Variants in DISC1 observed in about 807,000 individuals in gnomAD.
The protein encoded by DISC1 is DISC1 scaffold protein.
A neutral mutation model predicts 84.5 loss-of-function variants in DISC1; 57 were observed. The observed-to-expected ratio is 0.67, with a 90% CI of 0.55 to 0.84. DISC1 has a LOEUF of 0.84. Among genes scored for constraint, DISC1 ranks in the 40% least tolerant of loss-of-function variants. The probability of loss-of-function intolerance (pLI) is 0.00; values close to 1 mark genes in which losing one functional copy is unlikely to be tolerated. For synonymous variants in DISC1, 411 were observed against 415.2 expected, an observed-to-expected ratio of 0.99 and a Z score of 0.12; for missense variants, 1,000 against 1,057.8, an observed-to-expected ratio of 0.95 and a Z score of 0.76.
intron 10 of DISC1, among the ~76,000 whole-genome samples, chr1:231,999,840 C>CAACAAT (rs947357367): frequency 2.6e-5 from 4 of 151,832 alleles, no homozygotes; most frequent in Non-Finnish European, 4.4e-5. Context: ...ACAACAACAA[C>CAACAAT]AACAACAAAA....
chr1:231,993,873 G>A (rs2102929795), intron 10 of DISC1, among the ~76,000 whole-genome samples: 1 of 152,262 alleles, frequency 6.6e-6, no homozygotes, highest in South Asian at 2.1e-4. Flanking sequence ...ATTATTGCTG[G>A]TGGTGTTCTC....
At chr1:231,835,262 G>A (rs12739160) in intron 9 of DISC1, among the ~76,000 whole-genome samples, 47,846 of 152,042 alleles carry the variant, frequency 0.31, 7,635 homozygotes, top group East Asian at 0.39. Context: ...TGAAGAGACC[G>A]CTAAACAGGC....
chr1:231,818,062 T>G (rs892669112), intron 8 of DISC1, among the ~76,000 whole-genome samples: 2 of 152,218 alleles, frequency 1.3e-5, no homozygotes, highest in African/African-American at 4.8e-5. Flanking sequence ...GTCATCATAC[T>G]TTACGGGAGA....
At chr1:231,734,524 C>T (rs1013517844) in intron 3 of DISC1, among the ~76,000 whole-genome samples, 2 of 152,084 alleles carry the variant, frequency 1.3e-5, no homozygotes, top group Admixed American at 1.3e-4. Flanking sequence ...CACGCATGCG[C>T]ACACACACAC....
intron 4 of DISC1, among the ~76,000 whole-genome samples, chr1:231,753,872 T>C (rs2074870488): frequency 6.6e-6 from 1 of 152,154 alleles, no homozygotes; most frequent in Admixed American, 6.6e-5. Context: ...ATACCCTAAA[T>C]CATTAATCTC....
chr1:231,715,478 T>A (rs558259480), intron 3 of DISC1, among the ~76,000 whole-genome samples: 1 of 152,228 alleles, frequency 6.6e-6, no homozygotes, highest in East Asian at 1.9e-4. Flanking sequence ...CAGAGACTTT[T>A]GTCTGATCTT....
chr1:231,945,022 T>C (rs1403954218), intron 9 of DISC1: 2 of 152,132 alleles, frequency 1.3e-5, no homozygotes, highest in Non-Finnish European at 2.9e-5. Flanking sequence ...CTGTCAATAT[T>C]AGAAAGATCA....
intron 6 of DISC1, among the ~76,000 whole-genome samples, chr1:231,778,405 T>C (rs1374215495): frequency 1.3e-5 from 2 of 152,194 alleles, no homozygotes; most frequent in African/African-American, 4.8e-5. Context: ...TAAAAACCCC[T>C]CATAATTCTA....
chr1:231,733,489 G>A (rs1018872617), intron 3 of DISC1, among the ~76,000 whole-genome samples: 1 of 150,970 alleles, frequency 6.6e-6, no homozygotes, highest in African/African-American at 2.4e-5. Flanking sequence ...GGTAGTGGCT[G>A]TGGCAGTGCT....
intron 11 of DISC1, among the ~76,000 whole-genome samples, chr1:232,013,049 A>G (rs1288903298): frequency 6.6e-6 from 1 of 152,232 alleles, no homozygotes; most frequent in Non-Finnish European, 1.5e-5. Flanking sequence ...GGGGCCAGAC[A>G]GGAGCCAGGG....
chr1:231,942,979 G>T (rs983520723), intron 9 of DISC1, among the ~76,000 whole-genome samples: 4 of 152,236 alleles, frequency 2.6e-5, no homozygotes, highest in Admixed American at 2.6e-4. Flanking sequence ...TAGCTAAGAA[G>T]GCTTGCCTTT....
intron 1 of DISC1, among the ~76,000 whole-genome samples, chr1:231,668,852 AT>A (rs1434028499): frequency 6.6e-6 from 1 of 152,176 alleles, no homozygotes; most frequent in African/African-American, 2.4e-5. Context: ...CATGGATCAG[AT>A]TACTGCCCAC....
chr1:231,958,010 A>G (rs1659816018), intron 9 of DISC1, among the ~76,000 whole-genome samples: 1 of 152,194 alleles, frequency 6.6e-6, no homozygotes, highest in Non-Finnish European at 1.5e-5. Flanking sequence ...CCACAATAAC[A>G]ATAATAATAC....
intron 1 of DISC1, among the ~76,000 whole-genome samples, chr1:231,645,360 A>G (rs1642644071): frequency 6.6e-6 from 1 of 152,048 alleles, no homozygotes; most frequent in African/African-American, 2.4e-5. Context: ...TTCCTTGTAC[A>G]AGTCAAACCA....
At chr1:231,865,064 A>G (rs1236774347) in intron 9 of DISC1, among the ~76,000 whole-genome samples, 1 of 152,192 alleles carries the variant, frequency 6.6e-6, no homozygotes, top group African/African-American at 2.4e-5. Flanking sequence ...GAGATCACCT[A>G]TTGAGTCCCT....
At chr1:231,775,319 G>A (rs1238037713) in intron 6 of DISC1, among the ~76,000 whole-genome samples, 1 of 152,216 alleles carries the variant, frequency 6.6e-6, no homozygotes, top group Non-Finnish European at 1.5e-5. Context: ...ATCACTGGTG[G>A]AGACTTACGT....
At chr1:231,761,443 C>T (rs1390787857) in intron 4 of DISC1, among the ~76,000 whole-genome samples, 1 of 152,220 alleles carries the variant, frequency 6.6e-6, no homozygotes, top group Non-Finnish European at 1.5e-5. Context: ...TACTGAGCTA[C>T]AGTGTGTCCT....
intron 9 of DISC1, among the ~76,000 whole-genome samples, chr1:231,925,176 T>C (rs951643853): frequency 2.0e-5 from 3 of 152,076 alleles, no homozygotes. Context: ...TGGCATACAG[T>C]TAAAAATACG....
chr1:231,975,244 A>C lies in DISC1; in HGVS notation c.2042+16356A>C, dbSNP rs61835565. ...GCTCAACTTACTAATCATCAGAGAA[A>C]TGCACATTAAAAGCACAATGAGATA... On this transcript the variant is annotated intron_variant, in intron 10 of 12. Transcript: ENST00000439617. Among the ~76,000 whole-genome samples the C allele has an allele frequency of 8.0e-3, 1,225 of 152,350 alleles. 13 individuals are homozygous for C. The highest frequency in any genetic ancestry group is 0.011 in the Non-Finnish European group (723 of 68,032).
Sources: allele counts gnomAD v4.1 joint callset (sites outside exome capture counted in the v4.1 genomes callset), GRCh38; gene constraint gnomAD v4.1.1; transcripts MANE v1.5; gene names NCBI Gene and HGNC (gene_info 2026-07-23, HGNC 2026-07-21).